Variants in APBB2 observed in about 807,000 individuals in gnomAD.
APBB2 encodes amyloid beta precursor protein binding family B member 2.
APBB2 carries 38 observed loss-of-function variants against 82.5 expected under a neutral mutation model. The observed-to-expected ratio is 0.46, with a 90% CI of 0.36 to 0.60. The LOEUF (loss-of-function observed/expected upper bound fraction) is 0.60, where lower values mean the gene tolerates loss of function less well. APBB2 is among the 20% of genes least tolerant of loss of function. The pLI is 0.00. For synonymous variants in APBB2, 341 were observed against 368.2 expected, an observed-to-expected ratio of 0.93 and a Z score of 0.85; for missense variants, 772 against 972.3, an observed-to-expected ratio of 0.79 and a Z score of 2.74.
chr4:40,907,905 G>A (rs1279648916), intron 10 of APBB2, among the ~76,000 whole-genome samples: 3 of 151,824 alleles, frequency 2.0e-5, no homozygotes, highest in South Asian at 4.2e-4. Flanking sequence ...CTGGGCTCAA[G>A]CCATTTGCTC....
chr4:41,172,630 G>T (rs903253348), intron 1 of APBB2, among the ~76,000 whole-genome samples: 6 of 152,220 alleles, frequency 3.9e-5, no homozygotes, highest in Non-Finnish European at 8.8e-5. Flanking sequence ...TGCACTTCAC[G>T]CAATGGGAGT....
intron 1 of APBB2, among the ~76,000 whole-genome samples, chr4:41,170,949 C>T (rs896632142): frequency 4.6e-5 from 7 of 152,154 alleles, no homozygotes; most frequent in African/African-American, 1.7e-4. Context: ...GCCTAAATAA[C>T]TTGAATGTGT....
chr4:40,919,044 T>C (rs1300882585), intron 10 of APBB2, among the ~76,000 whole-genome samples: 3 of 152,198 alleles, frequency 2.0e-5, no homozygotes, highest in Non-Finnish European at 4.4e-5. Context: ...GAGAACAGAC[T>C]GGGCTTTCAC....
At chr4:41,067,364 G>A (rs182135808) in intron 3 of APBB2, among the ~76,000 whole-genome samples, 41 of 151,570 alleles carry the variant, frequency 2.7e-4, no homozygotes, top group Admixed American at 2.4e-3. Context: ...AGCTGAGATC[G>A]TGCCATTGCA....
chr4:40,930,301 T>C (rs1783743240), intron 10 of APBB2, among the ~76,000 whole-genome samples: 1 of 152,084 alleles, frequency 6.6e-6, no homozygotes, highest in Non-Finnish European at 1.5e-5. Context: ...AACAGGAGAC[T>C]CAGAATTATA....
At chr4:40,985,153 G>A (rs1194252349) in intron 6 of APBB2, among the ~76,000 whole-genome samples, 1 of 151,920 alleles carries the variant, frequency 6.6e-6, no homozygotes, top group Admixed American at 6.6e-5. Flanking sequence ...GGGTTCACAT[G>A]ATCCTCTTGC....
intron 4 of APBB2, among the ~76,000 whole-genome samples, chr4:41,046,167 T>G (rs1384803877): frequency 2.6e-5 from 4 of 152,234 alleles, no homozygotes; most frequent in Admixed American, 2.6e-4. Context: ...AGCTGAGTTT[T>G]ACTAAGAAAG....
intron 6 of APBB2, among the ~76,000 whole-genome samples, chr4:40,989,405 T>C (rs1224856507): frequency 6.6e-6 from 1 of 152,158 alleles, no homozygotes; most frequent in East Asian, 1.9e-4. Flanking sequence ...TAAAAATCTA[T>C]GCCTCCCAAA....
intron 12 of APBB2, among the ~76,000 whole-genome samples, chr4:40,882,914 C>T (rs2154347006): frequency 6.6e-6 from 1 of 152,292 alleles, no homozygotes; most frequent in Admixed American, 6.5e-5. Context: ...AGTTCCGAGT[C>T]CTTTGCAGCT....
At chr4:40,894,058 G>A (rs1772920321) in intron 10 of APBB2, among the ~76,000 whole-genome samples, 1 of 152,064 alleles carries the variant, frequency 6.6e-6, no homozygotes, top group Non-Finnish European at 1.5e-5. Flanking sequence ...GGAGGCCGAG[G>A]TAGGCAGATC....
intron 4 of APBB2, among the ~76,000 whole-genome samples, chr4:41,041,086 T>C (rs910128753): frequency 2.6e-5 from 4 of 152,114 alleles, no homozygotes; most frequent in East Asian, 1.9e-4. Context: ...TTCACCGTGT[T>C]AGCCAGGATG....
rs1296679531 is a variant in APBB2 at position 41,203,335 on chromosome 4, T to A, written c.-417+11070A>T. ...CATGAGACAATGATACATAAACTGA[T>A]GGAATGCAGAACTTCCTTTATTTTT... On this transcript the variant is annotated intron_variant, in intron 1 of 17. Coordinates refer to ENST00000508593, the MANE Select transcript of APBB2 (RefSeq NM_004307.2). Among the ~76,000 whole-genome samples the A allele has an allele frequency of 2.6e-5, 4 of 152,202 alleles. No individual in the cohort carries two copies. In the East Asian group the frequency reaches 7.7e-4, roughly 29 times the overall value.
intron 12 of APBB2, among the ~76,000 whole-genome samples, chr4:40,878,629 G>A (rs901844673): frequency 2.0e-5 from 3 of 151,980 alleles, no homozygotes; most frequent in Non-Finnish European, 4.4e-5. Context: ...GAGTATTTCT[G>A]GTATAAAATT....
At position 40,812,144 on chromosome 4, in the gene APBB2, GCAGAAATATGTAGTAA is replaced by G. The variant is rs1744542855; in HGVS notation, c.*3932_*3947del. 6.6e-6 allele frequency: 1 copy of G among 152,152 alleles called. No individual in the cohort carries two copies. Among genetic ancestry groups the G allele is most frequent in the South Asian group, 2.1e-4 (1 of 4,832 alleles). The allele number at this position is 152,152 out of a possible 1,614,324, so 9.4% of individuals were successfully genotyped here. A position where few individuals can be genotyped will look rare whatever the true frequency, so the allele number is the denominator to read the frequency against. On this transcript the variant is annotated 3_prime_UTR_variant, in exon 18 of 18. Transcript: ENST00000508593. ...GAAGTTACTTCCTAGTTCTTACCAG[GCAGAAATATGTAGTAA>G]CTAATCAAAGCAAAATGCTCCATTA...
chr4:40,910,187 C>T (rs377023790), intron 10 of APBB2, among the ~76,000 whole-genome samples: 21 of 149,696 alleles, frequency 1.4e-4, no homozygotes, highest in Admixed American at 1.3e-3. Context: ...AGGCTGGCCT[C>T]GAACTCCTGA....
At position 41,065,655 on chromosome 4, in the gene APBB2, GA is replaced by G. The variant is rs1731460763; in HGVS notation, c.-131del. On this transcript the variant is annotated 5_prime_UTR_variant, in exon 4 of 18. Coordinates refer to ENST00000508593, the MANE Select transcript of APBB2 (RefSeq NM_004307.2). ...GCCTCGGCAGTTCCCAAGTCCTCAG[GA>G]AAGACTGAGATGGTTAGCTGTGGTG... The G allele has an allele frequency of 6.6e-6, 1 of 150,518 alleles. No homozygotes were observed. Among genetic ancestry groups the G allele is most frequent in the East Asian group, 2.0e-4 (1 of 5,126 alleles). The allele number at this position is 150,518 out of a possible 1,614,324, so 9.3% of individuals were successfully genotyped here.
In APBB2 at chr4:40,913,729, C is replaced by T. The variant is rs997337123; in HGVS notation, c.1255-20318G>A. ...ATACTGTAAAGAGGTGTCCTTTTTG[C>T]GATCCATTTAGTACCACTTTTTTCA... is the stretch of plus-strand genomic sequence containing the variant. On this transcript the variant is annotated intron_variant, in intron 10 of 17. Transcript: ENST00000508593. Among the ~76,000 whole-genome samples the T allele has an allele frequency of 4.6e-5, 7 of 152,110 alleles. No individual in the cohort carries two copies. The East Asian group carries it at 5.8e-4, about 13-fold the overall frequency.
chr4:40,998,306 G>A (rs1293475644), intron 6 of APBB2, among the ~76,000 whole-genome samples: 1 of 152,124 alleles, frequency 6.6e-6, no homozygotes, highest in Non-Finnish European at 1.5e-5. Flanking sequence ...GAACCAATAT[G>A]TTCCAAATAA....
At chr4:41,096,245 G>T (rs537435819) in intron 3 of APBB2, among the ~76,000 whole-genome samples, 4 of 152,312 alleles carry the variant, frequency 2.6e-5, no homozygotes, top group Middle Eastern at 6.8e-3. Flanking sequence ...GGAAGATACT[G>T]CAGGGCTTTG....
Sources: allele counts gnomAD v4.1 joint callset (sites outside exome capture counted in the v4.1 genomes callset), GRCh38; gene constraint gnomAD v4.1.1; transcripts MANE v1.5; gene names NCBI Gene and HGNC (gene_info 2026-07-23, HGNC 2026-07-21).